The following ZCWPW2 variants were observed in gnomAD, a reference collection of about 807,000 sequenced individuals.
ZCWPW2 encodes the protein zinc finger CW-type and PWWP domain containing 2.
A neutral mutation model predicts 46.6 loss-of-function variants in ZCWPW2; 45 were observed. The ratio of observed to expected loss-of-function variants is 0.96; its 90% CI spans 0.76 to 1.24. The LOEUF is 1.24. Ranked by LOEUF, ZCWPW2 falls within the 50% of genes most tolerant of loss-of-function variation. The pLI, the probability that ZCWPW2 is intolerant of heterozygous loss-of-function variation, is 0.00. For synonymous variants in ZCWPW2, 152 were observed against 137.1 expected, an observed-to-expected ratio of 1.11 and a Z score of -0.76; for missense variants, 429 against 403.9, an observed-to-expected ratio of 1.06 and a Z score of -0.53.
At chr3:28,411,259 A>C (rs1696385883) in intron 2 of ZCWPW2, among the ~76,000 whole-genome samples, 7 of 151,956 alleles carry the variant, frequency 4.6e-5, no homozygotes, top group Admixed American at 4.6e-4. Context: ...CAATTAATAC[A>C]TTTTAAAAGA....
At chr3:28,399,317 C>T (rs1000372807) in intron 2 of ZCWPW2, among the ~76,000 whole-genome samples, 3 of 152,114 alleles carry the variant, frequency 2.0e-5, no homozygotes, top group African/African-American at 4.8e-5. Context: ...CATGCCTAGC[C>T]TTACCCCCAC....
chr3:28,424,842 G>A (rs758079958), intron 3 of ZCWPW2, among the ~76,000 whole-genome samples: 5 of 152,002 alleles, frequency 3.3e-5, no homozygotes, highest in Non-Finnish European at 7.4e-5. Context: ...TAATTAGGAG[G>A]GACATCAAGA....
chr3:28,426,926 C>A (rs1350148743), intron 3 of ZCWPW2, among the ~76,000 whole-genome samples: 6 of 152,162 alleles, frequency 3.9e-5, no homozygotes, highest in African/African-American at 1.4e-4. Context: ...TATTAAAGAT[C>A]ATTTCTACTG....
Position 28,413,302 on chromosome 3 carries a change from C to G in ZCWPW2, c.234C>G (p.Phe78Leu). The change falls in exon 3 of 10, where the codon TTC becomes TTG. Residue 78 changes from phenylalanine (F) to leucine (L), a missense_variant. Coordinates refer to ENST00000383768, the MANE Select transcript of ZCWPW2 (RefSeq NM_001040432.4). ...YNNCSISEED[F>L]PEESQLHQCG... is the part of the protein sequence containing the mutation. The stretch of plus-strand genomic sequence containing the variant: ...ACTGCTCAATTTCTGAAGAAGACTT[C>G]CCTGAAGAGTCTCAGCTTCATCAGT... 1 of 1,613,254 alleles carries G rather than the reference C, an allele frequency of 6.2e-7. No homozygotes were observed. The highest frequency in any genetic ancestry group is 8.5e-7 in the Non-Finnish European group (1 of 1,179,486).
intron 4 of ZCWPW2, among the ~76,000 whole-genome samples, chr3:28,445,099 G>A (rs1697934363): frequency 2.0e-5 from 3 of 151,232 alleles, no homozygotes; most frequent in Admixed American, 6.6e-5. Flanking sequence ...ACCACTCCTG[G>A]TACCAAAATC....
chr3:28,504,592 A>G (rs1700229055), intron 6 of ZCWPW2, among the ~76,000 whole-genome samples: 2 of 152,214 alleles, frequency 1.3e-5, no homozygotes, highest in Admixed American at 6.5e-5. Context: ...TCTCTGCATC[A>G]GCTTTTTAGA....
At position 28,413,088 on chromosome 3, in the gene ZCWPW2, A is replaced by T. The variant is rs201427346; in HGVS notation, c.20A>T (p.Asp7Val). Residue 7 changes from aspartate (D) to valine (V), a missense_variant, in exon 3 of 10, where the codon GAT becomes GTT. Transcript: ENST00000383768. Reference protein sequence around the residue: MDKEKLDVKIEYCNYAM... With the variant: MDKEKLVVKIEYCNYAM... ...GCCTTAATGGATAAAGAAAAATTGG[A>T]TGTTAAGATTGAATATTGTAACTAT... is the stretch of plus-strand genomic sequence containing the variant. The T allele has an allele frequency of 8.7e-6, 14 of 1,609,670 alleles. No homozygotes were observed. The East Asian group carries it at 2.7e-4, about 31-fold the overall frequency.
At position 28,355,421 on chromosome 3, in the gene ZCWPW2, T is replaced by C. The variant is rs549778807; in HGVS notation, c.-134+6218T>C. On this transcript the variant is annotated intron_variant, in intron 1 of 9. Coordinates refer to ENST00000383768, the MANE Select transcript of ZCWPW2 (RefSeq NM_001040432.4). ...ATCAATATTGTGAAAATGGCCATAC[T>C]GCCCAAGGTAATTTATAGATTCAAT... 4.6e-5 allele frequency among the ~76,000 whole-genome samples: 7 copies of C among 152,344 alleles called. No individual in the cohort carries two copies. The South Asian group carries it at 1.4e-3, about 32-fold the overall frequency.
chr3:28,440,133 TC>T (rs1697689406), intron 4 of ZCWPW2, among the ~76,000 whole-genome samples: 1 of 152,154 alleles, frequency 6.6e-6, no homozygotes, highest in Non-Finnish European at 1.5e-5. Flanking sequence ...TCTCCTGTAT[TC>T]CATGCATACT....
At chr3:28,458,979 G>A (rs746253132) in intron 4 of ZCWPW2, among the ~76,000 whole-genome samples, 57 of 152,118 alleles carry the variant, frequency 3.7e-4, no homozygotes, top group Non-Finnish European at 5.3e-4. Flanking sequence ...GCCATTGTTC[G>A]TTTTGTGTTT....
chr3:28,433,764 AAAAAACAAAAAAC>A (rs1455423995), intron 3 of ZCWPW2, among the ~76,000 whole-genome samples: 11 of 95,890 alleles, frequency 1.1e-4, no homozygotes, highest in African/African-American at 3.0e-4. Flanking sequence ...TTAAAAAAAA[AAAAAACAAAAAAC>A]AAAAAACAAA....
intron 1 of ZCWPW2, among the ~76,000 whole-genome samples, chr3:28,387,630 C>G (rs1185544233): frequency 1.3e-5 from 2 of 152,096 alleles, no homozygotes; most frequent in Non-Finnish European, 2.9e-5. Context: ...TTGTGTACAT[C>G]TATCTACTCT....
intron 5 of ZCWPW2, among the ~76,000 whole-genome samples, chr3:28,489,413 T>A (rs1441151785): frequency 2.6e-5 from 4 of 152,060 alleles, no homozygotes; most frequent in African/African-American, 9.7e-5. Flanking sequence ...ACATGATTAA[T>A]CCCAAAATAT....
chr3:28,520,868 T>G lies in ZCWPW2; in HGVS notation c.785-124T>G, dbSNP rs1559538638. 8 of 1,160,812 alleles carry G rather than the reference T, an allele frequency of 6.9e-6. No individual in the cohort carries two copies. The Admixed American group carries it at 1.4e-4, about 21-fold the overall frequency. The allele number at this position is 1,160,812 out of a possible 1,614,324, so 71.9% of individuals were successfully genotyped here. A position where few individuals can be genotyped will look rare whatever the true frequency, so the allele number is the denominator to read the frequency against. ...GAAGAAGTCATGTATGAAAATTATA[T>G]GAAACATTTATATTTTACCTTGTAG... is the stretch of plus-strand genomic sequence containing the variant. On this transcript the variant is annotated intron_variant, in intron 8 of 9. Coordinates refer to ENST00000383768, the MANE Select transcript of ZCWPW2 (RefSeq NM_001040432.4).
chr3:28,406,826 C>CTT (rs11337849), intron 2 of ZCWPW2, among the ~76,000 whole-genome samples: 11 of 119,978 alleles, frequency 9.2e-5, no homozygotes, highest in East Asian at 2.2e-4. Flanking sequence ...TCTTTTTTTT[C>CTT]TTTTTTTTTT....
chr3:28,447,801 C>T (rs1698055475), intron 4 of ZCWPW2: 2 of 845,434 alleles, frequency 2.4e-6, no homozygotes, highest in Non-Finnish European at 4.0e-6. Context: ...TCCTGAACCC[C>T]TGGCAATAGA....
At chr3:28,457,488 C>T (rs1209852048) in intron 4 of ZCWPW2, among the ~76,000 whole-genome samples, 1 of 152,142 alleles carries the variant, frequency 6.6e-6, no homozygotes, top group African/African-American at 2.4e-5. Flanking sequence ...TAGGCTAATC[C>T]TGAGTTTTTA....
chr3:28,474,622 C>CGT (rs1559519891), intron 4 of ZCWPW2, among the ~76,000 whole-genome samples: 2 of 89,492 alleles, frequency 2.2e-5, no homozygotes, highest in East Asian at 5.8e-4. Flanking sequence ...TGTGTGTGTG[C>CGT]GCGCGCGCGC....
At position 28,524,726 on chromosome 3, in the gene ZCWPW2, G is replaced by T; in HGVS notation, c.*38G>T. ...TTTTCAAATTAATTATAAAAATATT[G>T]GCATCTTTATATTTATCCAAAGTTA... On this transcript the variant is annotated 3_prime_UTR_variant, in exon 10 of 10. Transcript: ENST00000383768. The T allele has an allele frequency of 7.2e-7, 1 of 1,394,366 alleles. No homozygotes were observed. 86.4% of individuals were successfully genotyped at this position (1,394,366 alleles called of 1,614,324 possible). A position where few individuals can be genotyped will look rare whatever the true frequency, so the allele number is the denominator to read the frequency against.
Sources: gnomAD v4.1 joint callset for allele counts (sites outside exome capture counted in the v4.1 genomes callset) on GRCh38, gnomAD v4.1.1 for gene constraint, MANE v1.5 for transcripts, NCBI Gene and HGNC (gene_info 2026-07-23, HGNC 2026-07-21) for gene names.